LAMA2: variants seen among roughly 807,000 people sequenced by gnomAD.
The protein encoded by LAMA2 is laminin subunit alpha 2.
In LAMA2, 269 loss-of-function variants were observed where a neutral mutation model predicts 364.8. That is an observed-to-expected ratio of 0.74 (90% CI 0.67 to 0.82). The LOEUF (loss-of-function observed/expected upper bound fraction) is 0.82, where lower values mean the gene tolerates loss of function less well. LAMA2 is among the 40% of genes least tolerant of loss of function. The pLI is 0.00. For synonymous variants in LAMA2, 1,379 were observed against 1,370.6 expected, an observed-to-expected ratio of 1.01 and a Z score of -0.14; for missense variants, 3,807 against 3,873.2, an observed-to-expected ratio of 0.98 and a Z score of 0.45.
intron 58 of LAMA2, among the ~76,000 whole-genome samples, chr6:129,499,097 G>A (rs971772153): frequency 6.6e-6 from 1 of 151,994 alleles, no homozygotes; most frequent in Non-Finnish European, 1.5e-5. Flanking sequence ...AGTCCTGTCT[G>A]CCTACAACTT....
chr6:128,929,795 A>G (rs949108044), intron 1 of LAMA2: 52 of 1,040,576 alleles, frequency 5.0e-5, no homozygotes, highest in Non-Finnish European at 7.0e-5. Context: ...CTGACTTCCA[A>G]CCACACCCAC....
chr6:128,950,708 A>G (rs1780760413), intron 1 of LAMA2, among the ~76,000 whole-genome samples: 1 of 152,096 alleles, frequency 6.6e-6, no homozygotes, highest in Non-Finnish European at 1.5e-5. Flanking sequence ...TAAGGTAATA[A>G]TAAGTATTGT....
chr6:129,454,324 A>T (rs1782846652), intron 47 of LAMA2, 36 bp downstream of exon 47: 1 of 1,570,066 alleles, frequency 6.4e-7, no homozygotes, highest in Admixed American at 1.7e-5. Flanking sequence ...TAATTAAATG[A>T]TAGAATTTTG....
chr6:129,113,957 G>A (rs1776313138), intron 4 of LAMA2, among the ~76,000 whole-genome samples: 2 of 151,882 alleles, frequency 1.3e-5, no homozygotes, highest in African/African-American at 2.4e-5. Flanking sequence ...ACTTCCTTTC[G>A]TTGAAAATAA....
chr6:129,389,613 G>C (rs190687733), intron 35 of LAMA2, among the ~76,000 whole-genome samples: 1 of 152,160 alleles, frequency 6.6e-6, no homozygotes, highest in Non-Finnish European at 1.5e-5. Flanking sequence ...AAGAAAAGAC[G>C]TATAAATTGA....
chr6:128,911,632 C>T lies in LAMA2; in HGVS notation c.112+28275C>T, dbSNP rs563830166. 3.9e-5 allele frequency among the ~76,000 whole-genome samples: 6 copies of T among 152,328 alleles called. No individual in the cohort carries two copies. The South Asian group carries it at 8.3e-4, about 21-fold the overall frequency. ...TCACGCTGGGAGCTGTAGACCGGAG[C>T]TGTTCCTATTCGGCCATCTTGGCTC... On this transcript the variant is annotated intron_variant, in intron 1 of 64. Transcript: ENST00000421865.
At chr6:129,264,389 G>T (rs924273944) in intron 15 of LAMA2, among the ~76,000 whole-genome samples, 1 of 151,866 alleles carries the variant, frequency 6.6e-6, no homozygotes, top group Non-Finnish European at 1.5e-5. Context: ...TGTGTGTGGG[G>T]GGGTGGGGGC....
At chr6:129,238,593 G>T (rs1325361186) in intron 12 of LAMA2, among the ~76,000 whole-genome samples, 1 of 151,984 alleles carries the variant, frequency 6.6e-6, no homozygotes, top group Non-Finnish European at 1.5e-5. Flanking sequence ...GAGAGAGAGA[G>T]AGAGAGAGAG....
At chr6:129,321,594 T>A (rs1473092888) in intron 28 of LAMA2, among the ~76,000 whole-genome samples, 1 of 152,214 alleles carries the variant, frequency 6.6e-6, no homozygotes, top group East Asian at 1.9e-4. Flanking sequence ...ACCTACAGCC[T>A]GAGTCTTATG....
At chr6:129,340,878 A>C (rs10155762) in intron 29 of LAMA2, among the ~76,000 whole-genome samples, 82,363 of 147,738 alleles carry the variant, frequency 0.56, 23,308 homozygotes, top group East Asian at 0.74. Context: ...AAAGAAAAGA[A>C]AAGACTTGTA....
At chr6:129,128,384 A>G (rs890624251) in intron 4 of LAMA2, among the ~76,000 whole-genome samples, 2 of 152,186 alleles carry the variant, frequency 1.3e-5, no homozygotes, top group Non-Finnish European at 2.9e-5. Flanking sequence ...TGCTATTTTA[A>G]TTAATACTAC....
intron 12 of LAMA2, among the ~76,000 whole-genome samples, chr6:129,229,061 A>C (rs1784509902): frequency 6.6e-6 from 1 of 152,208 alleles, no homozygotes; most frequent in African/African-American, 2.4e-5. Context: ...GTTTGATTCC[A>C]GTTATATTAA....
chr6:129,512,671 T>C, intron 63 of LAMA2, among the ~76,000 whole-genome samples, 178 bp downstream of exon 63: 1 of 152,184 alleles, frequency 6.6e-6, no homozygotes, highest in East Asian at 1.9e-4. Flanking sequence ...GTTTTCAGCA[T>C]GTTGTAGGCC....
At chr6:129,051,897 G>A (rs2114778663) in intron 2 of LAMA2, among the ~76,000 whole-genome samples, 1 of 151,900 alleles carries the variant, frequency 6.6e-6, no homozygotes, top group South Asian at 2.1e-4. Context: ...TTGTGGGGAG[G>A]AGGTGCGAGT....
chr6:129,053,132 G>A (rs916897287), intron 2 of LAMA2, among the ~76,000 whole-genome samples: 11 of 152,172 alleles, frequency 7.2e-5, no homozygotes, highest in African/African-American at 2.4e-4. Context: ...AGGCTGGAGT[G>A]CAATGGCACG....
chr6:128,984,636 A>G (rs1354628395), intron 1 of LAMA2, among the ~76,000 whole-genome samples: 2 of 142,986 alleles, frequency 1.4e-5, no homozygotes, highest in Non-Finnish European at 3.0e-5. Context: ...GTTCTTTTGT[A>G]GAGATGAGAA....
chr6:129,320,577 T>A lies in LAMA2; in HGVS notation c.4098T>A (p.Arg1366=), dbSNP rs540907929. ...EISMEVAEQG[R]GTTMTPPADL... is the part of the protein sequence containing the mutation. ...CAATGGAGGTAGCTGAACAAGGACG[T>A]GGAACAACAATGACTCCTCCAGCTG... Residue 1366 remains arginine, a synonymous_variant, in exon 28 of 65, where the codon CGT becomes CGA. Coordinates refer to ENST00000421865, the MANE Select transcript of LAMA2 (RefSeq NM_000426.4). 2 of 1,613,408 alleles carry A rather than the reference T, an allele frequency of 1.2e-6. No individual in the cohort carries two copies. Among genetic ancestry groups the A allele is most frequent in the East Asian group, 2.2e-5 (1 of 44,864 alleles).
intron 12 of LAMA2, among the ~76,000 whole-genome samples, chr6:129,197,029 A>G (rs1434791858): frequency 6.6e-6 from 1 of 152,216 alleles, no homozygotes; most frequent in African/African-American, 2.4e-5. Flanking sequence ...ACCAACAGTA[A>G]CATTAAAACA....
At chr6:129,482,182 A>T (rs1470015323) in intron 55 of LAMA2, among the ~76,000 whole-genome samples, 1 of 152,160 alleles carries the variant, frequency 6.6e-6, no homozygotes, top group East Asian at 1.9e-4. Flanking sequence ...GTCGTGCACA[A>T]CTGTGATTCC....
Sources: allele counts gnomAD v4.1 joint callset (sites outside exome capture counted in the v4.1 genomes callset), GRCh38; gene constraint gnomAD v4.1.1; transcripts MANE v1.5; gene names NCBI Gene and HGNC (gene_info 2026-07-23, HGNC 2026-07-21).